The following NCKAP5 variants were observed in gnomAD, a reference collection of about 807,000 sequenced individuals.
NCKAP5 encodes NCK associated protein 5.
A neutral mutation model predicts 167.0 loss-of-function variants in NCKAP5; 92 were observed. The ratio of observed to expected loss-of-function variants is 0.55; its 90% confidence interval spans 0.47 to 0.66. The LOEUF (loss-of-function observed/expected upper bound fraction) is 0.66. Ranked by LOEUF, NCKAP5 falls within the 30% of genes least tolerant of loss-of-function variation. The probability of loss-of-function intolerance (pLI) is 0.00; values close to 1 mark genes in which losing one functional copy is unlikely to be tolerated. For synonymous variants in NCKAP5, 891 were observed against 877.4 expected (o/e 1.02, Z -0.27); for missense variants, 2,378 against 2,315.0 (o/e 1.03, Z -0.56).
chr2:133,026,192 G>A (rs2078690209), intron 6 of NCKAP5, among the ~76,000 whole-genome samples: 1 of 103,208 alleles, frequency 9.7e-6, no homozygotes, highest in Non-Finnish European at 2.1e-5. Context: ...TTAATGGTTT[G>A]TGGTTTTTTT....
At chr2:132,759,579 C>G (rs1680829342) in intron 16 of NCKAP5, among the ~76,000 whole-genome samples, 2 of 152,132 alleles carry the variant, frequency 1.3e-5, no homozygotes, top group Non-Finnish European at 2.9e-5. Context: ...GATTTCATGA[C>G]TCACAGATGA....
intron 3 of NCKAP5, among the ~76,000 whole-genome samples, chr2:133,423,214 T>C: frequency 6.6e-6 from 1 of 152,222 alleles, no homozygotes. Context: ...AAATACTAAC[T>C]GACATTGCCA....
chr2:133,526,855 A>G (rs1272321650), intron 2 of NCKAP5, among the ~76,000 whole-genome samples: 1 of 152,228 alleles, frequency 6.6e-6, no homozygotes, highest in Non-Finnish European at 1.5e-5. Flanking sequence ...TTTTATAAAT[A>G]AATAAATAAA....
intron 19 of NCKAP5, among the ~76,000 whole-genome samples, chr2:132,721,034 G>A (rs1689872456): frequency 6.6e-6 from 1 of 150,598 alleles, no homozygotes; most frequent in Non-Finnish European, 1.5e-5. Flanking sequence ...AAAATGCTGT[G>A]CACAGTAGCT....
intron 16 of NCKAP5, among the ~76,000 whole-genome samples, chr2:132,769,351 T>C (rs924244199): frequency 1.3e-5 from 2 of 152,218 alleles, no homozygotes; most frequent in African/African-American, 4.8e-5. Context: ...CACAACTTTC[T>C]TGATTGTTCT....
upstream of NCKAP5, among the ~76,000 whole-genome samples, chr2:133,571,147 C>G (rs756312545): frequency 2.0e-5 from 3 of 152,070 alleles, no homozygotes; most frequent in African/African-American, 7.2e-5. Context: ...AGATATCTTA[C>G]GTCTATAATC....
intron 4 of NCKAP5, among the ~76,000 whole-genome samples, chr2:133,251,434 C>A (rs941256795): frequency 2.0e-5 from 3 of 152,120 alleles, no homozygotes; most frequent in African/African-American, 7.2e-5. Flanking sequence ...ATAGGCCAAG[C>A]CTTGCATGAA....
At chr2:133,487,921 CAA>C (rs1283021583) in intron 3 of NCKAP5, among the ~76,000 whole-genome samples, 1 of 152,148 alleles carries the variant, frequency 6.6e-6, no homozygotes, top group African/African-American at 2.4e-5. Context: ...GCATGGGCTC[CAA>C]CAGAAGCCAT....
chr2:133,119,299 T>C (rs566846732), intron 6 of NCKAP5, among the ~76,000 whole-genome samples: 9 of 152,160 alleles, frequency 5.9e-5, no homozygotes, highest in Non-Finnish European at 1.0e-4. Context: ...CCACCATGCC[T>C]GGCCCAGTTT....
intron 8 of NCKAP5, among the ~76,000 whole-genome samples, chr2:132,934,437 G>T (rs982377561): frequency 1.1e-4 from 16 of 152,124 alleles, no homozygotes; most frequent in Non-Finnish European, 1.6e-4. Context: ...GCCTGACTTA[G>T]TGGCGGGTAC....
chr2:132,765,904 C>T (rs923354940), intron 16 of NCKAP5, among the ~76,000 whole-genome samples: 1 of 152,144 alleles, frequency 6.6e-6, no homozygotes, highest in Non-Finnish European at 1.5e-5. Context: ...CCTTCATCAT[C>T]CTCCCACTTT....
intron 6 of NCKAP5, among the ~76,000 whole-genome samples, chr2:132,995,664 A>G (rs2077575108): frequency 1.4e-5 from 2 of 142,310 alleles, no homozygotes; most frequent in African/African-American, 2.6e-5. Flanking sequence ...ACAAACAAAC[A>G]AACAAACAAA....
intron 3 of NCKAP5, among the ~76,000 whole-genome samples, chr2:133,447,051 G>A (rs1056700011): frequency 3.3e-5 from 5 of 152,164 alleles, no homozygotes; most frequent in Non-Finnish European, 2.9e-5. Context: ...TGGTAAAGCT[G>A]AACTAGTGAC....
chr2:132,803,989 T>C (rs1685236640), intron 11 of NCKAP5, among the ~76,000 whole-genome samples: 1 of 152,202 alleles, frequency 6.6e-6, no homozygotes, highest in African/African-American at 2.4e-5. Flanking sequence ...GTTAAATGTA[T>C]GTAAGAGAAT....
rs553206246 is a variant in NCKAP5 at position 133,137,832 on chromosome 2, G to T, written c.208-7721C>A. Reference sequence around the variant, plus strand: ...TTCTTAGCAAAGCAATTTTACTTCCGCGCAGAGGGGTGCCTCCTTGGCCAG... The same window carrying T: ...TTCTTAGCAAAGCAATTTTACTTCCTCGCAGAGGGGTGCCTCCTTGGCCAG... On this transcript the variant is annotated intron_variant, in intron 5 of 19. Transcript: ENST00000409261. Among the ~76,000 whole-genome samples the T allele has an allele frequency of 1.1e-4, 16 of 152,246 alleles. 1 individual carries two copies. In the South Asian group the frequency reaches 3.3e-3, roughly 32 times the overall value.
At chr2:132,860,089 T>C (rs75061592) in intron 11 of NCKAP5, among the ~76,000 whole-genome samples, 2,476 of 152,274 alleles carry the variant, frequency 0.016, 61 homozygotes, top group African/African-American at 0.055. Flanking sequence ...CCCACATGTA[T>C]TTTTGATCAT....
At chr2:133,330,353 G>A (rs1682768681) in intron 3 of NCKAP5, among the ~76,000 whole-genome samples, 1 of 140,862 alleles carries the variant, frequency 7.1e-6, no homozygotes, top group Non-Finnish European at 1.5e-5. Flanking sequence ...CCAGAGTGCT[G>A]GGTTTACAGA....
intron 11 of NCKAP5, among the ~76,000 whole-genome samples, chr2:132,847,748 G>A (rs1688773163): frequency 6.6e-6 from 1 of 152,126 alleles, no homozygotes; most frequent in Non-Finnish European, 1.5e-5. Flanking sequence ...GCAGCTACAT[G>A]GCTGATATCA....
intron 6 of NCKAP5, among the ~76,000 whole-genome samples, chr2:133,054,397 G>T (rs1269298250): frequency 1.3e-5 from 2 of 152,214 alleles, no homozygotes; most frequent in Admixed American, 6.5e-5. Context: ...GGGGTTTACT[G>T]CTGGCTGAGG....
Sources: gnomAD v4.1 joint callset for allele counts (sites outside exome capture counted in the v4.1 genomes callset) on GRCh38, gnomAD v4.1.1 for gene constraint, MANE v1.5 for transcripts, NCBI Gene and HGNC (gene_info 2026-07-23, HGNC 2026-07-21) for gene names.